Variants in DNAH2 observed in about 807,000 individuals in gnomAD.
DNAH2 encodes the protein axonemal beta dynein heavy chain 2.
DNAH2 carries 323 observed loss-of-function variants against 523.5 expected under a neutral mutation model. That is an observed-to-expected ratio of 0.62 (90% confidence interval 0.56 to 0.68). The LOEUF is 0.68. Ranked by LOEUF, DNAH2 falls within the 30% of genes least tolerant of loss-of-function variation. The probability of loss-of-function intolerance (pLI) is 0.00; values close to 1 mark genes in which losing one functional copy is unlikely to be tolerated. For synonymous variants in DNAH2, 2,093 were observed against 2,177.4 expected, an observed-to-expected ratio of 0.96 and a Z score of 1.08; for missense variants, 4,907 against 5,701.5, an observed-to-expected ratio of 0.86 and a Z score of 4.49.
rs754381292 is a variant in DNAH2 at position 7,819,198 on chromosome 17, C to A, written c.10816-11C>A. ...CTCAGTGGCCCTGACTCCACCCATC[C>A]CCACCGGCAGGCTTACCGCCCATGC... On this transcript the variant is annotated splice_polypyrimidine_tract_variant and intron_variant, in intron 71 of 85. Transcript: ENST00000572933. The A allele has an allele frequency of 1.9e-6, 3 of 1,612,782 alleles. No individual in the cohort carries two copies. Among genetic ancestry groups the A allele is most frequent in the Non-Finnish European group, 2.5e-6 (3 of 1,180,020 alleles).
At chr17:7,809,394 C>A (rs2077450638) in intron 63 of DNAH2, among the ~76,000 whole-genome samples, 1 of 152,140 alleles carries the variant, frequency 6.6e-6, no homozygotes, top group African/African-American at 2.4e-5. Context: ...CACGAGGCCT[C>A]TTCTGTGCAG....
rs1241639030 is a variant in DNAH2 at position 7,754,616 on chromosome 17, G to A, written c.1905-2475G>A. On this transcript the variant is annotated intron_variant, in intron 12 of 85. Coordinates refer to ENST00000572933, the MANE Select transcript of DNAH2 (RefSeq NM_020877.5). This position sits in a 1 kb window ranked among gnomAD's most constrained non-coding sequence, Gnocchi z 4.6. ...CCGAGGCTCTCAAGGCCCTCGTAAA[G>A]CCCAAGGAGGTTAAGCCCAAGATCC... is the stretch of plus-strand genomic sequence containing the variant. 1 of 1,509,260 alleles carries A rather than the reference G, an allele frequency of 6.6e-7. No individual in the cohort carries two copies. The highest frequency in any genetic ancestry group is 9.1e-7 in the Non-Finnish European group (1 of 1,101,044). 93.5% of individuals were successfully genotyped at this position (1,509,260 alleles called of 1,614,324 possible).
At chr17:7,787,735 TAAAAAAA>T in intron 42 of DNAH2, 118 bp from the exon 43 acceptor site, 3 of 933,318 alleles carry the variant, frequency 3.2e-6, no homozygotes, top group Non-Finnish European at 4.3e-6. Context: ...GACTTTGTCT[TAAAAAAA>T]AAAAAAAAAA....
rs2076223665 is a variant in DNAH2, at chr17:7,768,196, C to G, written c.3870C>G (p.Arg1290=). The G allele has an allele frequency of 6.2e-7, 1 of 1,614,058 alleles. No individual in the cohort carries two copies. The highest frequency in any genetic ancestry group is 1.7e-5 in the Admixed American group (1 of 60,008). The change falls in exon 24 of 86, where the codon CGC becomes CGG. Residue 1290 remains arginine (R), a synonymous_variant. Coordinates refer to ENST00000572933, the MANE Select transcript of DNAH2 (RefSeq NM_020877.5). ...DRNWEIIETT[R]SKIEQFKRTM... ...ACTGGGAAATTATTGAAACCACTCG[C>G]TCAAAAATAGAGCAGTTCAAGAGGA...
In DNAH2 at chr17:7,807,969, A is replaced by T. The variant is rs2077411614; in HGVS notation, c.9729+383A>T. Among the ~76,000 whole-genome samples the T allele has an allele frequency of 6.6e-6, 1 of 152,176 alleles. No homozygotes were observed. The highest frequency in any genetic ancestry group is 6.5e-5 in the Admixed American group (1 of 15,272). ...TCTGTGTCGCTTCTGTGGACCAAGA[A>T]CAACGTGAGGGTGTCTGTGCATATG... On this transcript the variant is annotated intron_variant, in intron 63 of 85. Coordinates refer to ENST00000572933, the MANE Select transcript of DNAH2 (RefSeq NM_020877.5). This position sits in a 1 kb window ranked among gnomAD's most constrained non-coding sequence, Gnocchi z 5.6.
In DNAH2 at chr17:7,798,519, A is replaced by G. The variant is rs760079477; in HGVS notation, c.8399-39A>G. On this transcript the variant is annotated intron_variant, in intron 54 of 85. Coordinates refer to ENST00000572933, the MANE Select transcript of DNAH2 (RefSeq NM_020877.5). This position sits in a 1 kb window ranked among gnomAD's most constrained non-coding sequence, Gnocchi z 5.5. ...AAAGGAATCAAGCCCAGGATGGGGA[A>G]TCTGCAGTGAGTTTGTCCTCCTTCC... is the stretch of plus-strand genomic sequence containing the variant. 6.2e-7 allele frequency: 1 copy of G among 1,610,108 alleles called. No homozygotes were observed. The highest frequency in any genetic ancestry group is 8.5e-7 in the Non-Finnish European group (1 of 1,178,038).
At chr17:7,738,113 C>A (rs1477441283) in intron 8 of DNAH2, 1 of 703,490 alleles carries the variant, frequency 1.4e-6, no homozygotes, top group Non-Finnish European at 2.6e-6. Context: ...TGTGCAGATG[C>A]ACATCCAGTA....
rs2078141965 is a variant in DNAH2 at position 7,830,548 on chromosome 17, A to G, written c.12045+57A>G. 15 of 1,605,890 alleles carry G rather than the reference A, an allele frequency of 9.3e-6. No individual in the cohort carries two copies. In the South Asian group the frequency reaches 1.3e-4, roughly 14 times the overall value. On this transcript the variant is annotated intron_variant, in intron 78 of 85. Coordinates refer to ENST00000572933, the MANE Select transcript of DNAH2 (RefSeq NM_020877.5). ...CCTCTCTCCTTACACGTCCTACCCC[A>G]TGGCTCCCCTGTGGGAATATCCGTG...
Position 7,798,985 on chromosome 17 carries a change from G to T in DNAH2, c.8560-118G>T. On this transcript the variant is annotated intron_variant, in intron 55 of 85. Transcript: ENST00000572933. The surrounding 1 kb of genome is among the most constrained non-coding windows in gnomAD (Gnocchi z 5.5). ...GGGTGCTGAAGTGGGAGGATGGTTT[G>T]AGGCCAGGAGTTCAAGTCCAGCCTG... 7.1e-7 allele frequency: 1 copy of T among 1,406,868 alleles called. No individual in the cohort carries two copies. The highest frequency in any genetic ancestry group is 2.5e-5 in the East Asian group (1 of 40,724). The allele number at this position is 1,406,868 out of a possible 1,614,324, so 87.1% of individuals were successfully genotyped here. A position where few individuals can be genotyped will look rare whatever the true frequency, so the allele number is the denominator to read the frequency against.
rs776761261 is a variant in DNAH2 at position 7,775,013 on chromosome 17, G to A, written c.4719+37G>A. On this transcript the variant is annotated intron_variant, in intron 29 of 85. Coordinates refer to ENST00000572933, the MANE Select transcript of DNAH2 (RefSeq NM_020877.5). ...TGGCCACAGTGAGATGCTGGGTGGCGAAGGGAGGGTGTTGGGGTATGAAAA... is the reference window on the plus strand; with the variant it reads ...TGGCCACAGTGAGATGCTGGGTGGCAAAGGGAGGGTGTTGGGGTATGAAAA... 13 of 1,600,558 alleles carry A rather than the reference G, an allele frequency of 8.1e-6. No individual in the cohort carries two copies. In the East Asian group the frequency reaches 8.9e-5, roughly 11 times the overall value.
rs1597803864 is a variant in DNAH2 at position 7,832,423 on chromosome 17, T to C, written c.12727-156T>C. 6.6e-6 allele frequency among the ~76,000 whole-genome samples: 1 copy of C among 152,174 alleles called. No homozygotes were observed. The highest frequency in any genetic ancestry group is 2.4e-5 in the African/African-American group (1 of 41,526). On this transcript the variant is annotated intron_variant, in intron 82 of 85. Coordinates refer to ENST00000572933, the MANE Select transcript of DNAH2 (RefSeq NM_020877.5). The surrounding 1 kb of genome is among the most constrained non-coding windows in gnomAD (Gnocchi z 4.3). The stretch of plus-strand genomic sequence containing the variant: ...TACTTGGGAGGCTGAGGCAGGAGAA[T>C]AGCTTAACTTGGGAGGTGGAGGTTG...
In DNAH2 at chr17:7,741,323, CTCCT is replaced by C. The variant is rs1555540880; in HGVS notation, c.1689+365_1689+368del. Among the ~76,000 whole-genome samples, 221 of 59,332 alleles carry C rather than the reference CTCCT, an allele frequency of 3.7e-3. 5 individuals carry two copies. Among genetic ancestry groups the C allele is most frequent in the African/African-American group, 0.012 (126 of 10,726 alleles). 38.9% of individuals were successfully genotyped at this position (59,332 alleles called of 152,430 possible). A position where few individuals can be genotyped will look rare whatever the true frequency, so the allele number is the denominator to read the frequency against. On this transcript the variant is annotated intron_variant, in intron 11 of 85. Coordinates refer to ENST00000572933, the MANE Select transcript of DNAH2 (RefSeq NM_020877.5). ...CTTCCTTCCCTCCCTCCCTCCCTCC[CTCCT>C]TCCTTCCTTCCTTCCTTCCTTCCTT...
intron 79 of DNAH2, 110 bp downstream of exon 79, chr17:7,830,952 C>CA (rs2078157556): frequency 6.5e-7 from 1 of 1,531,260 alleles, no homozygotes; most frequent in African/African-American, 1.4e-5. Flanking sequence ...TGGAAGAAGA[C>CA]AGAGTTTGTG....
intron 63 of DNAH2, among the ~76,000 whole-genome samples, chr17:7,809,254 G>A (rs1004944349): frequency 1.3e-5 from 2 of 152,198 alleles, no homozygotes; most frequent in East Asian, 1.9e-4. Flanking sequence ...GGGAGATCAA[G>A]GGCTCACTGG....
chr17:7,815,583 C>T (rs1375206001), intron 63 of DNAH2, among the ~76,000 whole-genome samples: 1 of 151,988 alleles, frequency 6.6e-6, no homozygotes. Context: ...CAGGATCACA[C>T]ACACATATAC....
chr17:7,759,165 A>T (rs368337315), intron 15 of DNAH2, 41 bp downstream of exon 15: 1 of 1,608,932 alleles, frequency 6.2e-7, no homozygotes, highest in African/African-American at 1.3e-5. Flanking sequence ...TGGAAAAACC[A>T]CAGTCCCCCA....
At position 7,760,655 on chromosome 17, in the gene DNAH2, A is replaced by C; in HGVS notation, c.2786-85A>C. 7.5e-7 allele frequency: 1 copy of C among 1,332,124 alleles called. No homozygotes were observed. Among genetic ancestry groups the C allele is most frequent in the Non-Finnish European group, 1.0e-6 (1 of 970,082 alleles). 82.5% of individuals were successfully genotyped at this position (1,332,124 alleles called of 1,614,324 possible). ...CTCTGGGAAGCTGGTTTTAGAGTGG[A>C]AGGTCTGGAGCAGTGGGCAGGGCTC... is the stretch of plus-strand genomic sequence containing the variant. On this transcript the variant is annotated intron_variant, in intron 17 of 85. Coordinates refer to ENST00000572933, the MANE Select transcript of DNAH2 (RefSeq NM_020877.5). This position sits in a 1 kb window ranked among gnomAD's most constrained non-coding sequence, Gnocchi z 4.0.
In DNAH2 at chr17:7,793,124, G is replaced by A. The variant is rs377309473; in HGVS notation, c.7488G>A (p.Gln2496=). 6.2e-7 allele frequency: 1 copy of A among 1,614,196 alleles called. No homozygotes were observed. Among genetic ancestry groups the A allele is most frequent in the Non-Finnish European group, 8.5e-7 (1 of 1,180,048 alleles). Residue 2496 remains glutamine (Q), a synonymous_variant, in exon 48 of 86, where the codon CAG becomes CAA. Transcript: ENST00000572933. The part of the protein sequence containing the change: ...NMPAKDMFGS[Q]PPLELIRLWI... ...CCGCTAAGGACATGTTTGGGTCCCA[G>A]CCACCCCTGGAGCTGATCCGCCTCT... is the stretch of plus-strand genomic sequence containing the variant.
At chr17:7,747,579 T>C (rs1290940267) in intron 12 of DNAH2, among the ~76,000 whole-genome samples, 1 of 152,218 alleles carries the variant, frequency 6.6e-6, no homozygotes, top group Non-Finnish European at 1.5e-5. Flanking sequence ...ACAACTTCTC[T>C]GTCTGCTATT....
Sources: allele counts gnomAD v4.1 joint callset (sites outside exome capture counted in the v4.1 genomes callset), GRCh38; gene constraint gnomAD v4.1.1; non-coding constraint Gnocchi (gnomAD v3.1); transcripts MANE v1.5; gene names NCBI Gene and HGNC (gene_info 2026-07-23, HGNC 2026-07-21).